Variants in AGBL4 observed in about 807,000 individuals in gnomAD.
The protein encoded by AGBL4 is AGBL carboxypeptidase 4, also known as cytosolic carboxypeptidase 6.
In AGBL4, 58 loss-of-function variants were observed where a neutral mutation model predicts 66.4. The observed-to-expected ratio is 0.87, with a 90% confidence interval of 0.71 to 1.09. The LOEUF is 1.09. Among genes scored for constraint, AGBL4 ranks in the 50% least tolerant of loss-of-function variants. The probability of loss-of-function intolerance (pLI) is 0.00; values close to 1 mark genes in which losing one functional copy is unlikely to be tolerated. For missense variants in AGBL4, 579 were observed against 631.0 expected, an observed-to-expected ratio of 0.92 and a Z score of 0.88; for synonymous variants, 234 against 222.9, an observed-to-expected ratio of 1.05 and a Z score of -0.44.
At chr1:49,854,581 C>A (rs1172464096) in intron 1 of AGBL4, among the ~76,000 whole-genome samples, 1 of 152,022 alleles carries the variant, frequency 6.6e-6, no homozygotes, top group East Asian at 1.9e-4. Flanking sequence ...GAGAACTAAT[C>A]CCCCATCAGA....
intron 5 of AGBL4, among the ~76,000 whole-genome samples, chr1:48,935,355 G>A (rs1655361633): frequency 6.6e-6 from 1 of 152,076 alleles, no homozygotes; most frequent in Non-Finnish European, 1.5e-5. Context: ...TGGTGACAGT[G>A]GGAAAATAGA....
intron 2 of AGBL4, among the ~76,000 whole-genome samples, chr1:49,732,899 A>G (rs1649563868): frequency 6.6e-6 from 1 of 152,156 alleles, no homozygotes; most frequent in African/African-American, 2.4e-5. Flanking sequence ...GAATCTACAG[A>G]TCCAGGATTC....
intron 1 of AGBL4, among the ~76,000 whole-genome samples, chr1:49,933,363 G>A (rs1653562965): frequency 6.6e-6 from 1 of 151,998 alleles, no homozygotes; most frequent in Non-Finnish European, 1.5e-5. Flanking sequence ...AAAAGCTGAG[G>A]AAATATGTTA....
chr1:49,798,636 A>C (rs1274203497), intron 2 of AGBL4, among the ~76,000 whole-genome samples: 1 of 152,116 alleles, frequency 6.6e-6, no homozygotes, highest in East Asian at 1.9e-4. Flanking sequence ...TTTAATGTTT[A>C]AGTTCCTTTT....
At position 49,642,774 on chromosome 1, in the gene AGBL4, C is replaced by T. The variant is rs981291822; in HGVS notation, c.282+54539G>A. Among the ~76,000 whole-genome samples, 5 of 152,144 alleles carry T rather than the reference C, an allele frequency of 3.3e-5. No homozygotes were observed. The East Asian group carries it at 5.8e-4, about 18-fold the overall frequency. Reference sequence around the variant, plus strand: ...GGGGAAAAGAGCCCAAGATTAAATGCTGCTGATAACATTTAACAGTTTATA... The same window carrying T: ...GGGGAAAAGAGCCCAAGATTAAATGTTGCTGATAACATTTAACAGTTTATA... On this transcript the variant is annotated intron_variant, in intron 3 of 13. Transcript: ENST00000371839.
At chr1:49,123,343 A>G (rs1048496622) in intron 4 of AGBL4, among the ~76,000 whole-genome samples, 49 of 152,358 alleles carry the variant, frequency 3.2e-4, no homozygotes, top group African/African-American at 1.2e-3. Context: ...AGTAAATTAT[A>G]TTAGTCAGTT....
intron 3 of AGBL4, among the ~76,000 whole-genome samples, chr1:49,289,291 A>T (rs1644489922): frequency 1.3e-5 from 2 of 152,212 alleles, no homozygotes; most frequent in Admixed American, 6.5e-5. Flanking sequence ...TAGTGAAATG[A>T]CATACATATG....
In AGBL4 at chr1:49,767,228, T is replaced by TA. The variant is rs143910821; in HGVS notation, c.158-69792dup. ...GGGCATAAAACAAGTCTCAATAAAT[T>TA]AAAAAAAAATAAAAGTCATATCAAC... On this transcript the variant is annotated intron_variant, in intron 2 of 13. Coordinates refer to ENST00000371839, the MANE Select transcript of AGBL4 (RefSeq NM_032785.4). Among the ~76,000 whole-genome samples, 1,050 of 150,388 alleles carry TA rather than the reference T, an allele frequency of 7.0e-3. 16 individuals carry two copies. The highest frequency in any genetic ancestry group is 0.025 in the African/African-American group (1,015 of 41,006).
chr1:49,236,407 C>A (rs1300240229), intron 4 of AGBL4, among the ~76,000 whole-genome samples: 2 of 152,122 alleles, frequency 1.3e-5, no homozygotes, highest in Admixed American at 6.5e-5. Context: ...TCTTCTCACC[C>A]CTCATTCAAT....
chr1:48,912,518 G>A (rs1653224272), intron 5 of AGBL4, among the ~76,000 whole-genome samples: 1 of 152,172 alleles, frequency 6.6e-6, no homozygotes, highest in Admixed American at 6.5e-5. Context: ...GCTGTAGGAA[G>A]GCAGATATGA....
intron 3 of AGBL4, among the ~76,000 whole-genome samples, chr1:49,642,501 A>G (rs1055441072): frequency 2.0e-5 from 3 of 152,116 alleles, no homozygotes; most frequent in Non-Finnish European, 4.4e-5. Flanking sequence ...GAGGGGAAAG[A>G]ACTACAGAAA....
chr1:49,132,372 C>T (rs895539522), intron 4 of AGBL4, among the ~76,000 whole-genome samples: 1 of 152,028 alleles, frequency 6.6e-6, no homozygotes, highest in Non-Finnish European at 1.5e-5. Flanking sequence ...AACTTTTTAT[C>T]CTCCAGCTAG....
chr1:49,465,506 C>T (rs1401397909), intron 3 of AGBL4, among the ~76,000 whole-genome samples: 1 of 151,778 alleles, frequency 6.6e-6, no homozygotes, highest in Non-Finnish European at 1.5e-5. Flanking sequence ...TCCATATCAA[C>T]AAATGCGACC....
chr1:48,815,021 G>T (rs369981536), intron 6 of AGBL4, among the ~76,000 whole-genome samples: 1 of 152,080 alleles, frequency 6.6e-6, no homozygotes, highest in Non-Finnish European at 1.5e-5. Context: ...CCCATCAACG[G>T]TGTATAAGAG....
chr1:49,051,431 C>T lies in AGBL4; in HGVS notation c.378-5631G>A, dbSNP rs139868871. On this transcript the variant is annotated intron_variant, in intron 4 of 13. Coordinates refer to ENST00000371839, the MANE Select transcript of AGBL4 (RefSeq NM_032785.4). ...CAACGGCAGTTATAGTCTCTTGGTT[C>T]TCTTACTTCATCTACTCAGGGGCTG... Among the ~76,000 whole-genome samples, 321 of 152,284 alleles carry T rather than the reference C, an allele frequency of 2.1e-3. 1 individual carries two copies. The highest frequency in any genetic ancestry group is 3.3e-3 in the Non-Finnish European group (223 of 68,016).
chr1:49,133,159 G>C (rs770515475), intron 4 of AGBL4, among the ~76,000 whole-genome samples: 35 of 152,152 alleles, frequency 2.3e-4, no homozygotes, highest in Non-Finnish European at 4.6e-4. Context: ...AACACTGCAT[G>C]TTCTCACTCA....
chr1:48,936,027 G>A (rs1036732156), intron 5 of AGBL4, among the ~76,000 whole-genome samples: 1 of 135,904 alleles, frequency 7.4e-6, no homozygotes, highest in Admixed American at 8.3e-5. Flanking sequence ...GTGGCTCATG[G>A]CTGTAATCTC....
intron 2 of AGBL4, among the ~76,000 whole-genome samples, chr1:49,838,613 ATAT>A (rs1316835930): frequency 4.6e-5 from 7 of 152,236 alleles, no homozygotes; most frequent in Non-Finnish European, 5.9e-5. Flanking sequence ...TATTATAAAA[ATAT>A]TATTATTTTA....
rs146443217 is a variant in AGBL4 at position 48,624,691 on chromosome 1, A to T, written c.951+9802T>A. ...GGTGAAGGTAGATCCTTTGCACTGG[A>T]GGGATTTGCAGAAGAACAAAGAAAT... On this transcript the variant is annotated intron_variant, in intron 9 of 13. Transcript: ENST00000371839. 7.6e-3 allele frequency among the ~76,000 whole-genome samples: 1,161 copies of T among 152,290 alleles called. 10 individuals are homozygous for T. The highest frequency in any genetic ancestry group is 0.01 in the Admixed American group (155 of 15,298).
Sources: gnomAD v4.1 joint callset for allele counts (sites outside exome capture counted in the v4.1 genomes callset) on GRCh38, gnomAD v4.1.1 for gene constraint, MANE v1.5 for transcripts, NCBI Gene and HGNC (gene_info 2026-07-23, HGNC 2026-07-21) for gene names.